NPAS4: variants seen among roughly 807,000 people sequenced by gnomAD.
NPAS4 encodes neuronal PAS domain protein 4.
Under a neutral mutation model 64.0 loss-of-function variants are expected in NPAS4, and 10 were observed. The ratio of observed to expected loss-of-function variants is 0.16; its 90% CI spans 0.10 to 0.26. The LOEUF is 0.26. Among genes scored for constraint, NPAS4 ranks in the 10% least tolerant of loss-of-function variants. NPAS4 has a pLI of 1.00. For synonymous variants in NPAS4, 441 were observed against 411.7 expected, an observed-to-expected ratio of 1.07 and a Z score of -0.86; for missense variants, 886 against 992.6, an observed-to-expected ratio of 0.89 and a Z score of 1.44.
chr11:66,417,904 T>C (rs769280865), upstream of NPAS4, among the ~76,000 whole-genome samples: 8 of 151,666 alleles, frequency 5.3e-5, no homozygotes, highest in African/African-American at 2.4e-5. Context: ...TGCAAACAGA[T>C]AGAGATGTAG....
At chr11:66,418,088 A>G (rs1856690787), upstream of NPAS4, among the ~76,000 whole-genome samples, 1 of 152,168 alleles carries the variant, frequency 6.6e-6, no homozygotes, top group African/African-American at 2.4e-5. Flanking sequence ...AGGATGCTGC[A>G]CGCTTGCCCA....
chr11:66,418,661 C>T (rs559662747), upstream of NPAS4, among the ~76,000 whole-genome samples: 1 of 152,284 alleles, frequency 6.6e-6, no homozygotes, highest in South Asian at 2.1e-4. Flanking sequence ...CTGGAAAAAG[C>T]CAGGGGCTCT....
chr11:66,415,789 C>A, the NPAS4 span, among the ~76,000 whole-genome samples: 69 of 152,294 alleles, frequency 4.5e-4, no homozygotes, highest in South Asian at 3.1e-3. Context: ...CATTATCTAT[C>A]TCTGAGCCTT....
At chr11:66,413,707 C>T in the NPAS4 span, among the ~76,000 whole-genome samples, 1 of 152,198 alleles carries the variant, frequency 6.6e-6, no homozygotes, top group Non-Finnish European at 1.5e-5. Flanking sequence ...ACAGCCTGGC[C>T]CAGTCAACAC....
Position 66,424,365 on chromosome 11 carries a change from C to A in NPAS4, c.1475C>A (p.Thr492Asn). The A allele has an allele frequency of 6.2e-7, 1 of 1,614,122 alleles. No homozygotes were observed. Among genetic ancestry groups the A allele is most frequent in the Non-Finnish European group, 8.5e-7 (1 of 1,179,990 alleles). The change falls in exon 7 of 8, where the codon ACC (threonine) becomes AAC (asparagine). Residue 492 changes from threonine (T) to asparagine (N), a missense_variant. Transcript: ENST00000311034. ...TSPLQGQLTETSVRSYEDQLT... is the reference protein window; with the variant it reads ...TSPLQGQLTENSVRSYEDQLT... ...CCACTGCAAGGCCAGTTGACTGAAA[C>A]CTCGGTCAGAAGCTATGAAGACCAG...
At position 66,423,753 on chromosome 11, in the gene NPAS4, G is replaced by A. The variant is rs376121975; in HGVS notation, c.944+40G>A. ...AGGGGACTAGGGGGCAGCTGAGGTC[G>A]TCATGGAGGAGACACAAATCAGGGA... On this transcript the variant is annotated intron_variant, in intron 6 of 7. Coordinates refer to ENST00000311034, the MANE Select transcript of NPAS4 (RefSeq NM_178864.4). 1.9e-5 allele frequency: 30 copies of A among 1,612,148 alleles called. No individual in the cohort carries two copies. The African/African-American group carries it at 2.9e-4, about 16-fold the overall frequency.
the NPAS4 span, among the ~76,000 whole-genome samples, chr11:66,412,179 A>G: frequency 6.6e-6 from 1 of 152,244 alleles, no homozygotes; most frequent in East Asian, 1.9e-4. Flanking sequence ...TAAGCTGGGA[A>G]GAACATGGTC....
chr11:66,413,903 C>T, the NPAS4 span, among the ~76,000 whole-genome samples: 7 of 152,158 alleles, frequency 4.6e-5, no homozygotes, highest in Non-Finnish European at 1.0e-4. Flanking sequence ...TCCATGAGGC[C>T]AAGACCAGCT....
the NPAS4 span, among the ~76,000 whole-genome samples, chr11:66,412,045 A>G: frequency 0.012 from 1,773 of 152,336 alleles, 33 homozygotes; most frequent in African/African-American, 0.039. Flanking sequence ...CCTGATAGTA[A>G]CAAGGAGAGA....
At chr11:66,412,098 A>T in the NPAS4 span, among the ~76,000 whole-genome samples, 1 of 152,170 alleles carries the variant, frequency 6.6e-6, no homozygotes, top group Admixed American at 6.5e-5. Context: ...CTGTTGGTGG[A>T]AGGGGAAGAA....
chr11:66,424,760 T>C lies in NPAS4; in HGVS notation c.1870T>C (p.Tyr624His), dbSNP rs772379347. The C allele has an allele frequency of 6.2e-7, 1 of 1,614,012 alleles. No individual in the cohort carries two copies. The highest frequency in any genetic ancestry group is 1.1e-5 in the South Asian group (1 of 91,072). Reference sequence around the variant, plus strand: ...TCCAGTCAAGCAGAGTTTCTTCCACTACTCTGAAAAGGAGCAGAATGAGAT... The same window carrying C: ...TCCAGTCAAGCAGAGTTTCTTCCACCACTCTGAAAAGGAGCAGAATGAGAT... ...ASPVKQSFFH[Y>H]SEKEQNEIDR... The change falls in exon 7 of 8, where the codon TAC becomes CAC. Residue 624 changes from tyrosine to histidine, a missense_variant. Coordinates refer to ENST00000311034, the MANE Select transcript of NPAS4 (RefSeq NM_178864.4).
At chr11:66,416,294 T>A (rs935767250), upstream of NPAS4, among the ~76,000 whole-genome samples, 1 of 152,174 alleles carries the variant, frequency 6.6e-6, no homozygotes, top group Admixed American at 6.5e-5. Flanking sequence ...GGTGTCTCTC[T>A]CCAGGGTCAG....
At position 66,424,343 on chromosome 11, in the gene NPAS4, C is replaced by G; in HGVS notation, c.1453C>G (p.Leu485Val). Residue 485 changes from leucine (L) to valine (V), a missense_variant, in exon 7 of 8, where the codon CTG becomes GTG. This residue lies in a region of NPAS4 where 820 missense variants were observed against 855.5 expected (regional missense o/e 0.96). Coordinates refer to ENST00000311034, the MANE Select transcript of NPAS4 (RefSeq NM_178864.4). ...ATFPDPLTSPLQGQLTETSVR... is the reference protein window; with the variant it reads ...ATFPDPLTSPVQGQLTETSVR... Reference sequence around the variant, plus strand: ...CTTCCCAGATCCACTAACTAGCCCACTGCAAGGCCAGTTGACTGAAACCTC... The same window carrying G: ...CTTCCCAGATCCACTAACTAGCCCAGTGCAAGGCCAGTTGACTGAAACCTC... The G allele has an allele frequency of 1.2e-6, 2 of 1,614,160 alleles. No individual in the cohort carries two copies. The highest frequency in any genetic ancestry group is 1.7e-6 in the Non-Finnish European group (2 of 1,180,024).
Position 66,424,023 on chromosome 11 carries a change from C to A in NPAS4, c.1133C>A (p.Ala378Asp). 6.2e-7 allele frequency: 1 copy of A among 1,614,120 alleles called. No individual in the cohort carries two copies. Among genetic ancestry groups the A allele is most frequent in the African/African-American group, 1.3e-5 (1 of 75,042 alleles). Residue 378 changes from alanine to aspartate, a missense_variant, in exon 7 of 8, where the codon GCT (alanine) becomes GAT (aspartate). This residue lies in a region of NPAS4 where 820 missense variants were observed against 855.5 expected (regional missense o/e 0.96). Coordinates refer to ENST00000311034, the MANE Select transcript of NPAS4 (RefSeq NM_178864.4). ...GAPRSTSFPS[A>D]PELSVVSASE... Reference sequence around the variant, plus strand: ...CCCAGAAGCACCAGCTTCCCCAGTGCTCCTGAACTGAGTGTTGTCTCTGCA... The same window carrying A: ...CCCAGAAGCACCAGCTTCCCCAGTGATCCTGAACTGAGTGTTGTCTCTGCA...
In NPAS4 at chr11:66,422,711, C is replaced by T. The variant is rs1405694500; in HGVS notation, c.468C>T (p.Ser156=). Residue 156 remains serine (S), a synonymous_variant, in exon 4 of 8, where the codon TCC becomes TCT. Coordinates refer to ENST00000311034, the MANE Select transcript of NPAS4 (RefSeq NM_178864.4). The part of the protein sequence containing the change: ...LFRCRFNTSK[S]LRRQSAGNKL... ...GCTGCCGCTTCAACACCTCCAAGTCCCTCAGGCGCCAGAGTGCAGGCAACA... is the reference window on the plus strand; with the variant it reads ...GCTGCCGCTTCAACACCTCCAAGTCTCTCAGGCGCCAGAGTGCAGGCAACA... 1.2e-5 allele frequency: 19 copies of T among 1,613,962 alleles called. No individual in the cohort carries two copies. Among genetic ancestry groups the T allele is most frequent in the Admixed American group, 1.0e-4 (6 of 60,014 alleles).
chr11:66,421,314 C>T lies in NPAS4; in HGVS notation c.135C>T (p.Leu45=). ...TGTCCTACCTGCACATCATGAGCCT[C>T]GCCTGCATCTACACTCGCAAGGGCG... ...VRLSYLHIMS[L]ACIYTRKGVF... The change falls in exon 1 of 8, where the codon CTC becomes CTT. Residue 45 remains leucine (L), a synonymous_variant. Coordinates refer to ENST00000311034, the MANE Select transcript of NPAS4 (RefSeq NM_178864.4). The T allele has an allele frequency of 6.2e-7, 1 of 1,614,164 alleles. No homozygotes were observed. Among genetic ancestry groups the T allele is most frequent in the Non-Finnish European group, 8.5e-7 (1 of 1,180,000 alleles).
intron 5 of NPAS4, 88 bp downstream of exon 5, chr11:66,423,320 A>G (rs1856780744): frequency 2.1e-6 from 2 of 968,648 alleles, no homozygotes; most frequent in Non-Finnish European, 3.3e-6. Flanking sequence ...GTCAAGAGTG[A>G]TGCTGGGGAG....
At chr11:66,423,425 T>C (rs1856784875) in intron 5 of NPAS4, 153 bp from the exon 6 acceptor site, 2 of 903,038 alleles carry the variant, frequency 2.2e-6, no homozygotes, top group East Asian at 2.5e-5. Flanking sequence ...CTCTGAGTGG[T>C]GAGGTCAAGG....
chr11:66,410,724 A>G, the NPAS4 span: 1 of 152,228 alleles, frequency 6.6e-6, no homozygotes, highest in African/African-American at 2.4e-5. Context: ...GTCATCCAAG[A>G]CCATCTTTCA....
Sources: allele counts gnomAD v4.1 joint callset (sites outside exome capture counted in the v4.1 genomes callset), GRCh38; gene constraint gnomAD v4.1.1; regional missense constraint gnomAD v4.1.1; transcripts MANE v1.5; gene names NCBI Gene and HGNC (gene_info 2026-07-23, HGNC 2026-07-21).